The following EPC1 variants were observed in gnomAD, a reference collection of about 807,000 sequenced individuals.
EPC1 encodes enhancer of polycomb homolog 1.
Under a neutral mutation model 98.4 loss-of-function variants are expected in EPC1, and 12 were observed. That is an observed-to-expected ratio of 0.12 (90% CI 0.08 to 0.20). EPC1 has a LOEUF of 0.20. EPC1 is among the 10% of genes least tolerant of loss of function. The pLI is 1.00. For missense variants in EPC1, 729 were observed against 990.5 expected, an observed-to-expected ratio of 0.74 and a Z score of 3.54; for synonymous variants, 357 against 363.9, an observed-to-expected ratio of 0.98 and a Z score of 0.21.
intron 1 of EPC1, among the ~76,000 whole-genome samples, chr10:32,371,130 A>G (rs1225144027): frequency 1.3e-5 from 2 of 152,224 alleles, no homozygotes; most frequent in East Asian, 3.9e-4. Flanking sequence ...TTCAGAACTA[A>G]AAATTTCTGA....
At chr10:32,342,470 A>G (rs1345229634) in intron 1 of EPC1, among the ~76,000 whole-genome samples, 1 of 152,194 alleles carries the variant, frequency 6.6e-6, no homozygotes, top group African/African-American at 2.4e-5. Context: ...CACTTCTTAT[A>G]AATAGTTCTT....
intron 10 of EPC1, among the ~76,000 whole-genome samples, chr10:32,276,299 T>C (rs1342216026): frequency 6.6e-6 from 1 of 151,954 alleles, no homozygotes; most frequent in Non-Finnish European, 1.5e-5. Flanking sequence ...TCACCGGAGG[T>C]CAGGAATTTG....
intron 1 of EPC1, among the ~76,000 whole-genome samples, chr10:32,315,091 A>G (rs1410652586): frequency 6.6e-6 from 1 of 152,244 alleles, no homozygotes; most frequent in East Asian, 1.9e-4. Flanking sequence ...TTGCCTTTGC[A>G]TCTTTTCCTT....
At chr10:32,311,581 A>G (rs1409717610) in intron 1 of EPC1, among the ~76,000 whole-genome samples, 1 of 151,966 alleles carries the variant, frequency 6.6e-6, no homozygotes, top group African/African-American at 2.4e-5. Context: ...ATTACCTTCT[A>G]CTATTCATAT....
chr10:32,343,178 A>T (rs1838482608), intron 1 of EPC1, among the ~76,000 whole-genome samples: 2 of 152,114 alleles, frequency 1.3e-5, no homozygotes, highest in South Asian at 4.1e-4. Context: ...TTCATTAAAT[A>T]CATTGTTTTC....
Position 32,268,997 on chromosome 10 carries a change from A to C in EPC1, c.*66T>G. 1 of 1,359,220 alleles carries C rather than the reference A, an allele frequency of 7.4e-7. No homozygotes were observed. Among genetic ancestry groups the C allele is most frequent in the Non-Finnish European group, 1.0e-6 (1 of 957,416 alleles). 84.2% of individuals were successfully genotyped at this position (1,359,220 alleles called of 1,614,324 possible). A position where few individuals can be genotyped will look rare whatever the true frequency, so the allele number is the denominator to read the frequency against. ...TGTGCTGCTTTCCATCATCCCTTGCATTCAAAATGCTACTGATGCATAGCA... is the reference window on the plus strand; with the variant it reads ...TGTGCTGCTTTCCATCATCCCTTGCCTTCAAAATGCTACTGATGCATAGCA... On this transcript the variant is annotated 3_prime_UTR_variant, in exon 14 of 14. Transcript: ENST00000319778.
At chr10:32,291,072 CG>C in intron 6 of EPC1, 90 bp downstream of exon 6, 1 of 1,231,874 alleles carries the variant, frequency 8.1e-7, no homozygotes, top group Non-Finnish European at 1.1e-6. Flanking sequence ...CCACTGTGCC[CG>C]GCCTATGTGT....
At chr10:32,284,480 A>G (rs1836564027) in intron 10 of EPC1, 2 of 416,700 alleles carry the variant, frequency 4.8e-6, no homozygotes, top group East Asian at 3.6e-5. Context: ...ATAGAAATAA[A>G]CCATCTTTGT....
chr10:32,293,442 A>T, intron 3 of EPC1, 150 bp downstream of exon 3: 2 of 818,150 alleles, frequency 2.4e-6, no homozygotes, highest in Non-Finnish European at 3.7e-6. Flanking sequence ...TACACAGGTT[A>T]CTGATAAGCA....
chr10:32,365,897 G>A (rs1332591618), intron 1 of EPC1, among the ~76,000 whole-genome samples: 1 of 149,610 alleles, frequency 6.7e-6, no homozygotes, highest in African/African-American at 2.5e-5. Flanking sequence ...GCTTTGGGGG[G>A]CCGAGATGGG....
At chr10:32,314,539 C>T (rs973942352) in intron 1 of EPC1, among the ~76,000 whole-genome samples, 2 of 152,166 alleles carry the variant, frequency 1.3e-5, no homozygotes, top group African/African-American at 2.4e-5. Context: ...ATATATTTTC[C>T]TTACCCATCT....
rs376705355 is a variant in EPC1 at position 32,372,253 on chromosome 10, C to T, written c.3+6238G>A. Among the ~76,000 whole-genome samples the T allele has an allele frequency of 2.6e-5, 4 of 152,142 alleles. No homozygotes were observed. In the East Asian group the frequency reaches 7.7e-4, roughly 29 times the overall value. On this transcript the variant is annotated intron_variant, in intron 1 of 13. Coordinates refer to the EPC1 transcript ENST00000375110. ...CTGGGAATCTGTGTTTCAATAAGCC[C>T]TCCAGGTGATTCTAGGGCACACCAA...
At chr10:32,294,819 G>A (rs1835052296) in intron 2 of EPC1, among the ~76,000 whole-genome samples, 1 of 151,820 alleles carries the variant, frequency 6.6e-6, no homozygotes, top group Admixed American at 6.6e-5. Context: ...CTTTAGAATG[G>A]TATAAGGCCC....
chr10:32,317,459 T>C (rs1032430456), intron 1 of EPC1, among the ~76,000 whole-genome samples: 4 of 151,718 alleles, frequency 2.6e-5, no homozygotes, highest in South Asian at 2.1e-4. Context: ...CTGACCAACA[T>C]AGGGAAACCC....
chr10:32,323,459 ATTC>A (rs1417348162), intron 1 of EPC1, among the ~76,000 whole-genome samples: 1 of 152,224 alleles, frequency 6.6e-6, no homozygotes, highest in Non-Finnish European at 1.5e-5. Flanking sequence ...GATACCATAA[ATTC>A]TTTTCTTCTA....
chr10:32,378,612 A>T (rs1839918465), exon 1 of EPC1: 1 of 666,918 alleles, frequency 1.5e-6, no homozygotes. Flanking sequence ...ACATCTTTAA[A>T]ATGTTTGGTA....
At chr10:32,315,071 G>A (rs932409158) in intron 1 of EPC1, among the ~76,000 whole-genome samples, 8 of 152,164 alleles carry the variant, frequency 5.3e-5, no homozygotes, top group Non-Finnish European at 1.0e-4. Flanking sequence ...GAGTAGAGAC[G>A]ATGTCTAATT....
intron 11 of EPC1, 162 bp from the exon 12 acceptor site, chr10:32,272,329 C>A: frequency 1.7e-6 from 1 of 572,454 alleles, no homozygotes; most frequent in Non-Finnish European, 3.0e-6. Flanking sequence ...AATTATATCT[C>A]TTTTGATAGT....
intron 1 of EPC1, chr10:32,377,443 G>T (rs554834797): frequency 6.6e-6 from 1 of 152,202 alleles, no homozygotes; most frequent in South Asian, 2.1e-4. Flanking sequence ...TTACTAAAAG[G>T]ATAAATCGAC....
Sources: allele counts gnomAD v4.1 joint callset (sites outside exome capture counted in the v4.1 genomes callset), GRCh38; gene constraint gnomAD v4.1.1; transcripts MANE v1.5; gene names NCBI Gene and HGNC (gene_info 2026-07-23, HGNC 2026-07-21).